Variants in THSD4 observed in about 807,000 individuals in gnomAD.
THSD4 encodes thrombospondin type 1 domain containing 4.
THSD4 carries 69 observed loss-of-function variants against 119.0 expected under a neutral mutation model. The observed-to-expected ratio is 0.58, with a 90% CI of 0.48 to 0.71. The LOEUF is 0.71. Among genes scored for constraint, THSD4 ranks in the 30% least tolerant of loss-of-function variants. THSD4 has a pLI of 0.00. For synonymous variants in THSD4, 524 were observed against 540.4 expected (o/e 0.97, Z 0.42); for missense variants, 1,393 against 1,391.1 (o/e 1.00, Z -0.02).
chr15:71,442,656 G>GTGTGTGTGTATGTA (rs1555414310), intron 7 of THSD4, among the ~76,000 whole-genome samples: 5 of 30,636 alleles, frequency 1.6e-4, no homozygotes, highest in East Asian at 7.1e-4. Flanking sequence ...GTGTGTGTGT[G>GTGTGTGTGTATGTA]TGTGTATATA....
intron 7 of THSD4, among the ~76,000 whole-genome samples, chr15:71,491,628 T>TAATCCCAACACTG: frequency 6.6e-6 from 1 of 152,226 alleles, no homozygotes; most frequent in Admixed American, 6.5e-5. Context: ...TCCCAACACT[T>TAATCCCAACACTG]TAGGGGGCCC....
intron 7 of THSD4, among the ~76,000 whole-genome samples, chr15:71,653,499 C>A (rs550567214): frequency 6.6e-6 from 1 of 152,212 alleles, no homozygotes; most frequent in Non-Finnish European, 1.5e-5. Context: ...ATGCTCCTGG[C>A]ATCTGGTGGG....
At chr15:71,228,075 A>C (rs2044032529) in intron 4 of THSD4, among the ~76,000 whole-genome samples, 1 of 152,114 alleles carries the variant, frequency 6.6e-6, no homozygotes, top group Admixed American at 6.5e-5. Context: ...GAGGCTGTAA[A>C]TGCTAACTTA....
intron 7 of THSD4, among the ~76,000 whole-genome samples, chr15:71,548,798 T>C (rs2048881291): frequency 6.6e-6 from 1 of 152,290 alleles, no homozygotes; most frequent in South Asian, 2.1e-4. Context: ...CTGGCCTCAC[T>C]CAGCCTGGAG....
intron 1 of THSD4, among the ~76,000 whole-genome samples, chr15:71,138,561 ACAGT>A (rs1384600953): frequency 1.3e-5 from 2 of 152,056 alleles, no homozygotes; most frequent in Admixed American, 6.5e-5. Context: ...TGCCCAGTAG[ACAGT>A]CAGCTCTTCC....
intron 1 of THSD4, among the ~76,000 whole-genome samples, chr15:71,108,870 T>C (rs755355833): frequency 2.0e-5 from 3 of 152,118 alleles, no homozygotes; most frequent in Admixed American, 1.3e-4. Context: ...CATGTGCCTG[T>C]AGTCCCAGCT....
chr15:71,184,993 C>T (rs1298340289), intron 3 of THSD4, among the ~76,000 whole-genome samples: 1 of 151,762 alleles, frequency 6.6e-6, no homozygotes, highest in African/African-American at 2.4e-5. Flanking sequence ...CCTTGAGCTT[C>T]TGCTAACTGA....
chr15:71,456,434 T>A (rs1210106830), intron 7 of THSD4, among the ~76,000 whole-genome samples: 1 of 152,244 alleles, frequency 6.6e-6, no homozygotes, highest in African/African-American at 2.4e-5. Context: ...TCATGATTCA[T>A]GGTGATGATG....
intron 8 of THSD4, among the ~76,000 whole-genome samples, chr15:71,687,526 C>T (rs2051938855): frequency 1.3e-5 from 2 of 152,072 alleles, no homozygotes; most frequent in African/African-American, 2.4e-5. Context: ...GGGGCCAAGG[C>T]GAGTGGATCA....
intron 7 of THSD4, among the ~76,000 whole-genome samples, chr15:71,490,388 G>A (rs1474818203): frequency 4.6e-5 from 7 of 152,000 alleles, no homozygotes; most frequent in East Asian, 1.9e-4. Context: ...GTGAAACCCC[G>A]TCTCTACTAA....
chr15:71,270,779 G>A lies in THSD4; in HGVS notation c.1015+14064G>A, dbSNP rs187368111. Among the ~76,000 whole-genome samples, 18 of 149,106 alleles carry A rather than the reference G, an allele frequency of 1.2e-4. No individual in the cohort carries two copies. In the East Asian group the frequency reaches 3.5e-3, roughly 29 times the overall value. ...AACTGAGAAAATAAGACAAGGATGG[G>A]CTGTTGGGAACCCTACTGGAAGGGA... On this transcript the variant is annotated intron_variant, in intron 6 of 17. Transcript: ENST00000261862.
chr15:71,475,860 A>C (rs913085847), intron 7 of THSD4, among the ~76,000 whole-genome samples: 2 of 152,120 alleles, frequency 1.3e-5, no homozygotes, highest in African/African-American at 2.4e-5. Context: ...CCAGAAGTTC[A>C]AGGTTTTAGT....
intron 7 of THSD4, among the ~76,000 whole-genome samples, chr15:71,475,922 T>A (rs1215367660): frequency 6.6e-6 from 1 of 152,068 alleles, no homozygotes; most frequent in Non-Finnish European, 1.5e-5. Context: ...AGTGAGACCC[T>A]GTCTATTAAA....
At chr15:71,656,319 C>G (rs1385042471) in intron 7 of THSD4, among the ~76,000 whole-genome samples, 1 of 151,916 alleles carries the variant, frequency 6.6e-6, no homozygotes, top group African/African-American at 2.4e-5. Context: ...GGTGAAAGAC[C>G]ACCGAAACTC....
intron 3 of THSD4, among the ~76,000 whole-genome samples, chr15:71,197,601 T>A (rs890811081): frequency 6.6e-6 from 1 of 152,154 alleles, no homozygotes; most frequent in African/African-American, 2.4e-5. Context: ...TCCTGGCAGA[T>A]GAGAGGGTCC....
In THSD4 at chr15:71,651,173, A is replaced by G. The variant is rs542270890; in HGVS notation, c.1153-9357A>G. On this transcript the variant is annotated intron_variant, in intron 7 of 17. Coordinates refer to ENST00000261862, the MANE Select transcript of THSD4 (RefSeq NM_024817.3). ...ATTCTTTCAGGTTGTCAGGCCAGGAACCTTGGTCTTCCTTACTCCACCTTT... is the reference window on the plus strand; with the variant it reads ...ATTCTTTCAGGTTGTCAGGCCAGGAGCCTTGGTCTTCCTTACTCCACCTTT... Among the ~76,000 whole-genome samples the G allele has an allele frequency of 2.1e-3, 318 of 152,284 alleles. 3 individuals are homozygous for G. Among genetic ancestry groups the G allele is most frequent in the African/African-American group, 7.0e-3 (291 of 41,548 alleles).
intron 7 of THSD4, among the ~76,000 whole-genome samples, chr15:71,627,786 T>G (rs939538712): frequency 1.3e-5 from 2 of 152,132 alleles, no homozygotes; most frequent in African/African-American, 4.8e-5. Flanking sequence ...CTGTGAGTCA[T>G]TTGTCACTGA....
intron 6 of THSD4, among the ~76,000 whole-genome samples, chr15:71,290,338 G>A (rs996224096): frequency 2.6e-5 from 4 of 152,176 alleles, no homozygotes; most frequent in Admixed American, 6.5e-5. Flanking sequence ...GCTAGGGTGG[G>A]TTCTATTTGC....
At position 71,747,027 on chromosome 15, in the gene THSD4, G is replaced by A. The variant is rs1219947154; in HGVS notation, c.2226G>A (p.Arg742=). The change falls in exon 13 of 18, where the codon CGG becomes CGA. Residue 742 remains arginine (R), a synonymous_variant. Coordinates refer to ENST00000261862, the MANE Select transcript of THSD4 (RefSeq NM_024817.3). ...QLKICSEWQI[R]TDWTSCSVPC... is the part of the protein sequence containing the mutation. ...AGATCTGCAGCGAGTGGCAGATCCG[G>A]ACCGACTGGACCTCGGTACGCAGGC... 1.2e-6 allele frequency: 2 copies of A among 1,608,648 alleles called. No individual in the cohort carries two copies. Among genetic ancestry groups the A allele is most frequent in the Admixed American group, 3.4e-5 (2 of 59,616 alleles).
Sources: allele counts gnomAD v4.1 joint callset (sites outside exome capture counted in the v4.1 genomes callset), GRCh38; gene constraint gnomAD v4.1.1; transcripts MANE v1.5; gene names NCBI Gene and HGNC (gene_info 2026-07-23, HGNC 2026-07-21).